TMEFF2: variants seen among roughly 807,000 people sequenced by gnomAD.
The protein encoded by TMEFF2 is transmembrane protein with EGF like and two follistatin like domains 2.
In TMEFF2, 28 loss-of-function variants were observed where a neutral mutation model predicts 53.8. The observed-to-expected ratio is 0.52, with a 90% CI of 0.39 to 0.71. The LOEUF (loss-of-function observed/expected upper bound fraction) is 0.71. Ranked by LOEUF, TMEFF2 falls within the 30% of genes least tolerant of loss-of-function variation. The pLI, the probability that TMEFF2 is intolerant of heterozygous loss-of-function variation, is 0.00. For synonymous variants in TMEFF2, 162 were observed against 166.3 expected (o/e 0.97, Z 0.20); for missense variants, 353 against 455.2 (o/e 0.78, Z 2.04).
chr2:192,190,887 T>TC (rs1378689504), intron 2 of TMEFF2, among the ~76,000 whole-genome samples: 57 of 3,326 alleles, frequency 0.017, 1 homozygote, highest in Non-Finnish European at 0.014. Flanking sequence ...TTGTTCTATA[T>TC]CATTTTTATT....
At chr2:192,163,374 CATG>C (rs1292799608) in intron 4 of TMEFF2, among the ~76,000 whole-genome samples, 1 of 152,192 alleles carries the variant, frequency 6.6e-6, no homozygotes, top group Non-Finnish European at 1.5e-5. Flanking sequence ...GGAGCTGTTT[CATG>C]ATATTTGCTA....
intron 4 of TMEFF2, among the ~76,000 whole-genome samples, chr2:192,091,483 A>T (rs1688788977): frequency 6.6e-6 from 1 of 152,220 alleles, no homozygotes; most frequent in African/African-American, 2.4e-5. Flanking sequence ...AGAGAGAAAG[A>T]AAAACAATAT....
chr2:191,966,851 G>A (rs1434854015), intron 7 of TMEFF2, among the ~76,000 whole-genome samples: 1 of 152,054 alleles, frequency 6.6e-6, no homozygotes, highest in Non-Finnish European at 1.5e-5. Flanking sequence ...GATCAGTTTG[G>A]TTTTCTACAA....
intron 5 of TMEFF2, among the ~76,000 whole-genome samples, chr2:192,054,316 C>G (rs530750004): frequency 6.6e-6 from 1 of 152,172 alleles, no homozygotes; most frequent in Non-Finnish European, 1.5e-5. Context: ...CTTTGTATAC[C>G]AGTTGCAATA....
chr2:192,155,209 C>G (rs1363667739), intron 4 of TMEFF2, among the ~76,000 whole-genome samples: 1 of 151,844 alleles, frequency 6.6e-6, no homozygotes, highest in African/African-American at 2.4e-5. Flanking sequence ...CCTTATATAT[C>G]AGCATGATTT....
At chr2:192,024,965 G>A (rs972367840) in intron 5 of TMEFF2, among the ~76,000 whole-genome samples, 5 of 152,132 alleles carry the variant, frequency 3.3e-5, no homozygotes, top group Non-Finnish European at 5.9e-5. Context: ...GAAAATTAAC[G>A]AAAAGCAGAG....
intron 7 of TMEFF2, among the ~76,000 whole-genome samples, chr2:191,989,178 C>T (rs1022387873): frequency 2.6e-5 from 4 of 152,160 alleles, no homozygotes; most frequent in Admixed American, 6.5e-5. Context: ...TACTGAGCTA[C>T]AGATCCCAGA....
At chr2:192,036,185 C>T (rs1687288503) in intron 5 of TMEFF2, 1 of 152,150 alleles carries the variant, frequency 6.6e-6, no homozygotes, top group African/African-American at 2.4e-5. Flanking sequence ...GAGGAAGCCA[C>T]AAATTAAATA....
At position 192,194,441 on chromosome 2, in the gene TMEFF2, C is replaced by A; in HGVS notation, c.84G>T (p.Met28Ile). The A allele has an allele frequency of 6.2e-7, 1 of 1,614,162 alleles. No individual in the cohort carries two copies. The highest frequency in any genetic ancestry group is 1.1e-5 in the South Asian group (1 of 91,080). The change falls in exon 1 of 10, where the codon ATG (methionine) becomes ATT (isoleucine). Residue 28 changes from methionine to isoleucine, a missense_variant. By Grantham distance (10) the Met-to-Ile change is conservative. Around this residue, in one of 3 missense-constraint regions of TMEFF2, gnomAD observed 54 missense variants for 41.8 expected, o/e 1.29. Transcript: ENST00000272771. This position sits in a 1 kb window ranked among gnomAD's most constrained non-coding sequence, Gnocchi z 4.2. ...TCACCGGGCGGGCTACGATGAGTAG[C>A]ATGACGGGCAGCAGCAGCAGCCAGC... ...GFCWLLLLPV[M>I]LLIVARPVKL...
At chr2:192,075,473 C>T (rs1688412547) in intron 4 of TMEFF2, among the ~76,000 whole-genome samples, 1 of 151,120 alleles carries the variant, frequency 6.6e-6, no homozygotes, top group African/African-American at 2.4e-5. Context: ...ATAGGACAGA[C>T]TTCATTTTCG....
In TMEFF2 at chr2:192,087,012, TAA is replaced by T. The variant is rs1002128773; in HGVS notation, c.440-29239_440-29238del. On this transcript the variant is annotated intron_variant, in intron 4 of 9. Coordinates refer to ENST00000272771, the MANE Select transcript of TMEFF2 (RefSeq NM_016192.4). ...ATTATATTCTCAATTTATAAAGCCA[TAA>T]AAAGATATTTGTATTTAATATATTA... Among the ~76,000 whole-genome samples, 27 of 150,902 alleles carry T rather than the reference TAA, an allele frequency of 1.8e-4. 1 individual carries two copies. The highest frequency in any genetic ancestry group is 5.3e-4 in the African/African-American group (22 of 41,354).
chr2:192,136,489 T>C (rs1423201536), intron 4 of TMEFF2, among the ~76,000 whole-genome samples: 1 of 152,226 alleles, frequency 6.6e-6, no homozygotes, highest in African/African-American at 2.4e-5. Context: ...TGTATTTTAG[T>C]GTAGAATAAA....
intron 5 of TMEFF2, among the ~76,000 whole-genome samples, chr2:192,025,509 C>T (rs1408612173): frequency 1.3e-5 from 2 of 151,890 alleles, no homozygotes; most frequent in African/African-American, 2.4e-5. Context: ...TTAGGCATCA[C>T]TTATAAAGTG....
intron 5 of TMEFF2, among the ~76,000 whole-genome samples, chr2:192,041,099 C>T (rs533000458): frequency 6.6e-6 from 1 of 152,196 alleles, no homozygotes; most frequent in South Asian, 2.1e-4. Context: ...ACACAAGCAA[C>T]AACAAAGTAA....
At chr2:192,027,647 G>A (rs1430157398) in intron 5 of TMEFF2, among the ~76,000 whole-genome samples, 1 of 152,194 alleles carries the variant, frequency 6.6e-6, no homozygotes, top group Non-Finnish European at 1.5e-5. Context: ...AACAGGAGAA[G>A]TGATGGGCAG....
rs1491267223 is a variant in TMEFF2, at chr2:192,193,757, T to TAGAGAG, written c.172+595_172+596insCTCTCT. 3.6e-3 allele frequency among the ~76,000 whole-genome samples: 97 copies of TAGAGAG among 26,656 alleles called. 1 individual carries two copies. Among genetic ancestry groups the TAGAGAG allele is most frequent in the East Asian group, 0.02 (11 of 544 alleles). The allele number at this position is 26,656 out of a possible 152,430, so 17.5% of individuals were successfully genotyped here. A position where few individuals can be genotyped will look rare whatever the true frequency, so the allele number is the denominator to read the frequency against. On this transcript the variant is annotated intron_variant, in intron 1 of 9. Transcript: ENST00000272771. ...GGAATGAGAGAGAGAGAGAGATAGA[T>TAGAGAG]AGATAGAGAGAGAGAGAGAGAGAGA...
chr2:191,955,524 A>ATTTTTCTTTT (rs1692049010), intron 8 of TMEFF2, among the ~76,000 whole-genome samples: 1 of 60,304 alleles, frequency 1.7e-5, no homozygotes, highest in Non-Finnish European at 2.9e-5. Context: ...CTAATTCTTA[A>ATTTTTCTTTT]TTTTTTTTTT....
intron 4 of TMEFF2, among the ~76,000 whole-genome samples, chr2:192,128,507 G>A (rs977200706): frequency 1.3e-5 from 2 of 152,162 alleles, no homozygotes; most frequent in Admixed American, 6.5e-5. Flanking sequence ...ATTCCTGAAT[G>A]TACGGATAGA....
chr2:192,093,632 C>T (rs987749816), intron 4 of TMEFF2, among the ~76,000 whole-genome samples: 1 of 151,980 alleles, frequency 6.6e-6, no homozygotes, highest in African/African-American at 2.4e-5. Flanking sequence ...GAGAACCAGA[C>T]AAAAGAGACG....
Sources: allele counts gnomAD v4.1 joint callset (sites outside exome capture counted in the v4.1 genomes callset), GRCh38; gene constraint gnomAD v4.1.1; regional missense constraint gnomAD v4.1.1; non-coding constraint Gnocchi (gnomAD v3.1); transcripts MANE v1.5; gene names NCBI Gene and HGNC (gene_info 2026-07-23, HGNC 2026-07-21).